Variants in BMPR1B observed in about 807,000 individuals in gnomAD.
BMPR1B encodes bone morphogenetic protein receptor type-1B.
BMPR1B carries 12 observed loss-of-function variants against 59.1 expected under a neutral mutation model. The observed-to-expected ratio is 0.20, with a 90% CI of 0.13 to 0.33. The LOEUF is 0.33. BMPR1B is among the 10% of genes least tolerant of loss of function. The probability of loss-of-function intolerance (pLI) is 1.00; values close to 1 mark genes in which losing one functional copy is unlikely to be tolerated. For synonymous variants in BMPR1B, 237 were observed against 207.3 expected (o/e 1.14, Z -1.23); for missense variants, 550 against 610.9 (o/e 0.90, Z 1.05).
intron 1 of BMPR1B, among the ~76,000 whole-genome samples, chr4:94,860,210 T>C (rs890669216): frequency 6.6e-6 from 1 of 152,158 alleles, no homozygotes; most frequent in Admixed American, 6.5e-5. Flanking sequence ...TAGAGATTCT[T>C]TCACTAATGG....
At chr4:94,893,483 T>C (rs1473247308) in intron 2 of BMPR1B, among the ~76,000 whole-genome samples, 1 of 152,014 alleles carries the variant, frequency 6.6e-6, no homozygotes, top group Non-Finnish European at 1.5e-5. Flanking sequence ...TTAGAGAAAA[T>C]ATGACTTCTC....
At chr4:95,099,756 A>G (rs917276281) in intron 3 of BMPR1B, among the ~76,000 whole-genome samples, 3 of 152,118 alleles carry the variant, frequency 2.0e-5, no homozygotes, top group Non-Finnish European at 4.4e-5. Flanking sequence ...TGGCATTTTC[A>G]TCTGTATCTC....
intron 2 of BMPR1B, among the ~76,000 whole-genome samples, chr4:94,978,303 G>A (rs1165543801): frequency 1.3e-5 from 2 of 152,180 alleles, no homozygotes; most frequent in African/African-American, 4.8e-5. Context: ...TTTTTGGCAG[G>A]CATCAACTGG....
At chr4:95,004,538 G>A (rs556669059) in intron 3 of BMPR1B, among the ~76,000 whole-genome samples, 2 of 152,166 alleles carry the variant, frequency 1.3e-5, no homozygotes, top group Admixed American at 6.5e-5. Flanking sequence ...TAGTGTAAAG[G>A]TGATTATTAC....
At chr4:95,084,185 C>T (rs1019317376) in intron 3 of BMPR1B, among the ~76,000 whole-genome samples, 1 of 151,150 alleles carries the variant, frequency 6.6e-6, no homozygotes, top group African/African-American at 2.4e-5. Context: ...ATACATATAT[C>T]TAACTTATGA....
intron 1 of BMPR1B, among the ~76,000 whole-genome samples, chr4:94,858,755 G>A (rs1386322804): frequency 6.6e-6 from 1 of 152,092 alleles, no homozygotes; most frequent in Non-Finnish European, 1.5e-5. Flanking sequence ...TGGTTGAAGG[G>A]TATGGGTGTG....
At chr4:95,082,223 T>TA (rs1729211862) in intron 3 of BMPR1B, among the ~76,000 whole-genome samples, 1 of 148,286 alleles carries the variant, frequency 6.7e-6, no homozygotes, top group South Asian at 2.2e-4. Flanking sequence ...AATTTTTTTT[T>TA]AACATAGTAA....
At chr4:94,999,999 AT>A (rs1433828603) in intron 3 of BMPR1B, among the ~76,000 whole-genome samples, 2 of 152,172 alleles carry the variant, frequency 1.3e-5, no homozygotes, top group African/African-American at 4.8e-5. Context: ...TAAAAATAAA[AT>A]TTATTTTGCC....
At chr4:94,926,786 A>G (rs2149029961) in intron 2 of BMPR1B, among the ~76,000 whole-genome samples, 1 of 152,216 alleles carries the variant, frequency 6.6e-6, no homozygotes, top group East Asian at 1.9e-4. Flanking sequence ...AATACCTTCA[A>G]TGGTATTCAT....
At chr4:95,118,604 A>G (rs966117179) in intron 6 of BMPR1B, among the ~76,000 whole-genome samples, 4 of 152,160 alleles carry the variant, frequency 2.6e-5, no homozygotes, top group Non-Finnish European at 5.9e-5. Context: ...TCTACTTCCC[A>G]GAGCAGTTGG....
intron 2 of BMPR1B, among the ~76,000 whole-genome samples, chr4:94,994,907 A>G (rs1300665196): frequency 6.6e-6 from 1 of 152,158 alleles, no homozygotes; most frequent in Non-Finnish European, 1.5e-5. Context: ...GCTCTGTCAC[A>G]AAGTTGCCAT....
At chr4:95,004,483 T>G (rs2120831) in intron 3 of BMPR1B, among the ~76,000 whole-genome samples, 151,190 of 152,186 alleles carry the variant, frequency 0.99, 75,104 homozygotes, top group Middle Eastern at 1. Context: ...TCTTAAATAG[T>G]TTATTTATAT....
intron 3 of BMPR1B, among the ~76,000 whole-genome samples, chr4:95,071,959 A>T (rs761999833): frequency 2.0e-5 from 3 of 151,992 alleles, no homozygotes; most frequent in Non-Finnish European, 4.4e-5. Flanking sequence ...AAAGAGATTT[A>T]TTATAAGGAA....
At chr4:94,769,203 C>G (rs1307342320) in intron 1 of BMPR1B, among the ~76,000 whole-genome samples, 1 of 152,150 alleles carries the variant, frequency 6.6e-6, no homozygotes, top group Non-Finnish European at 1.5e-5. Flanking sequence ...TGAATAATGT[C>G]TTTCTTACAA....
intron 2 of BMPR1B, among the ~76,000 whole-genome samples, chr4:94,884,330 C>T (rs943790180): frequency 7.2e-5 from 11 of 151,972 alleles, no homozygotes; most frequent in Admixed American, 2.0e-4. Flanking sequence ...GTTCGAAACC[C>T]GCCTGGCCAA....
intron 10 of BMPR1B, among the ~76,000 whole-genome samples, chr4:95,137,590 C>A (rs1733896194): frequency 6.6e-6 from 1 of 152,144 alleles, no homozygotes; most frequent in Non-Finnish European, 1.5e-5. Context: ...CATCTGGGTG[C>A]TCCTGTATTG....
At chr4:94,954,698 G>A (rs974393030) in intron 2 of BMPR1B, among the ~76,000 whole-genome samples, 18 of 152,106 alleles carry the variant, frequency 1.2e-4, no homozygotes, top group Non-Finnish European at 2.4e-4. Context: ...TATATTTTCT[G>A]TGTCTCCCTT....
chr4:95,145,623 G>T (rs1734586212), intron 10 of BMPR1B, among the ~76,000 whole-genome samples: 1 of 152,132 alleles, frequency 6.6e-6, no homozygotes, highest in Non-Finnish European at 1.5e-5. Flanking sequence ...GCCATTATTT[G>T]GGAACAGGTA....
In BMPR1B at chr4:95,043,306, T is replaced by C. The variant is rs1725805262; in HGVS notation, c.-18+47172T>C. Among the ~76,000 whole-genome samples the C allele has an allele frequency of 2.1e-5, 3 of 144,074 alleles. No homozygotes were observed. In the South Asian group the frequency reaches 6.8e-4, roughly 33 times the overall value. 94.5% of individuals were successfully genotyped at this position (144,074 alleles called of 152,430 possible). ...TTAGTAGCATACCGCTAAAACCAAA[T>C]AATAAACTAAAGATCCATGCAAGAA... On this transcript the variant is annotated intron_variant, in intron 3 of 12. Transcript: ENST00000515059.
Sources: allele counts gnomAD v4.1 joint callset (sites outside exome capture counted in the v4.1 genomes callset), GRCh38; gene constraint gnomAD v4.1.1; transcripts MANE v1.5; gene names NCBI Gene and HGNC (gene_info 2026-07-23, HGNC 2026-07-21).